The following C3orf49 variants were observed in gnomAD, a reference collection of about 807,000 sequenced individuals.
C3orf49 encodes the protein chromosome 3 open reading frame 49.
In C3orf49, 27 loss-of-function variants were observed where a neutral mutation model predicts 13.3. The observed-to-expected ratio is 2.02, with a 90% CI of 1.49 to 2.79. The LOEUF (loss-of-function observed/expected upper bound fraction) is 2.79, where lower values mean the gene tolerates loss of function less well. Among genes scored for constraint, C3orf49 ranks in the 30% most tolerant of loss-of-function variants. The probability of loss-of-function intolerance (pLI) is 0.00; values close to 1 mark genes in which losing one functional copy is unlikely to be tolerated. For missense variants in C3orf49, 242 were observed against 134.2 expected (o/e 1.80, Z -3.97); for synonymous variants, 87 against 47.6 (o/e 1.83, Z -3.40).
the C3orf49 span, among the ~76,000 whole-genome samples, chr3:63,801,540 A>C: frequency 6.6e-6 from 1 of 152,194 alleles, no homozygotes; most frequent in African/African-American, 2.4e-5. Flanking sequence ...AATAATTCTC[A>C]ACACTGAGAA....
At chr3:63,801,979 T>C in the C3orf49 span, among the ~76,000 whole-genome samples, 3 of 152,224 alleles carry the variant, frequency 2.0e-5, no homozygotes, top group Non-Finnish European at 4.4e-5. Context: ...AAATGCCTAT[T>C]CTTTACACTG....
At chr3:63,830,302 G>GA (rs1701515786) in intron 3 of C3orf49, among the ~76,000 whole-genome samples, 1 of 152,116 alleles carries the variant, frequency 6.6e-6, no homozygotes, top group South Asian at 2.1e-4. Context: ...TTATGAAAGA[G>GA]AAAAAAGAGG....
chr3:63,820,108 A>G (rs1701375123), intron 1 of C3orf49, among the ~76,000 whole-genome samples: 1 of 152,200 alleles, frequency 6.6e-6, no homozygotes, highest in Non-Finnish European at 1.5e-5. Context: ...ATAGACAGGT[A>G]TGAAACATCC....
the C3orf49 span, among the ~76,000 whole-genome samples, chr3:63,806,618 G>A: frequency 3.9e-5 from 6 of 152,028 alleles, no homozygotes; most frequent in African/African-American, 1.2e-4. Context: ...CTTTCCATAC[G>A]TCCCTTTTCA....
intron 5 of C3orf49, among the ~76,000 whole-genome samples, chr3:63,840,807 G>T (rs933488656): frequency 6.6e-6 from 1 of 152,160 alleles, no homozygotes; most frequent in African/African-American, 2.4e-5. Flanking sequence ...GTTGGCAAGG[G>T]TGTTAGAAAA....
the C3orf49 span, among the ~76,000 whole-genome samples, chr3:63,793,888 G>A: frequency 6.6e-6 from 1 of 152,100 alleles, no homozygotes; most frequent in Middle Eastern, 3.2e-3. Context: ...AGGTGTGGTG[G>A]CTCACACCTG....
At chr3:63,819,030 T>C (rs1360242108), upstream of C3orf49, among the ~76,000 whole-genome samples, 1 of 152,208 alleles carries the variant, frequency 6.6e-6, no homozygotes, top group Non-Finnish European at 1.5e-5. Flanking sequence ...TTCCTATAGG[T>C]CCCTACCACT....
chr3:63,823,433 A>G lies in C3orf49; in HGVS notation c.309A>G (p.Ala103=), dbSNP rs888797718. 5.7e-6 allele frequency: 4 copies of G among 703,198 alleles called. No homozygotes were observed. Among genetic ancestry groups the G allele is most frequent in the Non-Finnish European group, 2.6e-6 (1 of 385,092 alleles). 43.6% of individuals were successfully genotyped at this position (703,198 alleles called of 1,614,324 possible). A position where few individuals can be genotyped will look rare whatever the true frequency, so the allele number is the denominator to read the frequency against. The change falls in exon 2 of 7, where the codon GCA becomes GCG. Residue 103 remains alanine (A), a synonymous_variant. Coordinates refer to ENST00000295896, the MANE Select transcript of C3orf49 (RefSeq NM_001355236.2). The part of the protein sequence containing the change: ...MLSYKYRSKP[A]CASQEGSTDH... Reference sequence around the variant, plus strand: ...CCTACAAGTATAGAAGCAAGCCAGCATGTGCCAGCCAAGAGGGCTCCACTG... The same window carrying G: ...CCTACAAGTATAGAAGCAAGCCAGCGTGTGCCAGCCAAGAGGGCTCCACTG...
rs1409138594 is a variant in C3orf49 at position 63,837,902 on chromosome 3, A to C, written c.849+6058A>C. The C allele has an allele frequency of 3.7e-6, 5 of 1,365,460 alleles. No homozygotes were observed. The Admixed American group carries it at 1.2e-4, about 32-fold the overall frequency. The allele number at this position is 1,365,460 out of a possible 1,614,324, so 84.6% of individuals were successfully genotyped here. A position where few individuals can be genotyped will look rare whatever the true frequency, so the allele number is the denominator to read the frequency against. On this transcript the variant is annotated intron_variant, in intron 5 of 6. Coordinates refer to ENST00000295896, the MANE Select transcript of C3orf49 (RefSeq NM_001355236.2). ...TGATTCAGGCTGCAGATTTTACCTC[A>C]CAACATTAAAAACTGCATGAAAACT...
chr3:63,838,044 G>C, intron 5 of C3orf49: 1 of 1,607,476 alleles, frequency 6.2e-7, no homozygotes, highest in South Asian at 1.1e-5. Flanking sequence ...TTTTTCATGT[G>C]CTCCAGCTAT....
the C3orf49 span, among the ~76,000 whole-genome samples, chr3:63,793,571 C>T: frequency 1.3e-5 from 2 of 151,814 alleles, no homozygotes; most frequent in Admixed American, 6.6e-5. Flanking sequence ...TGCTGCTGGC[C>T]TCATTTCTTA....
At chr3:63,839,857 T>C in intron 5 of C3orf49, 2 of 1,124,180 alleles carry the variant, frequency 1.8e-6, no homozygotes, top group Middle Eastern at 2.6e-4. Context: ...CATTTGTTTA[T>C]TCAAAAGAAA....
intron 2 of C3orf49, chr3:63,827,185 A>C (rs1369807674): frequency 6.4e-6 from 1 of 155,116 alleles, no homozygotes; most frequent in African/African-American, 2.4e-5. Context: ...AGGAAAGACA[A>C]ATCAATGGTA....
chr3:63,811,046 C>A, the C3orf49 span, among the ~76,000 whole-genome samples: 2 of 152,102 alleles, frequency 1.3e-5, no homozygotes, highest in Non-Finnish European at 2.9e-5. Context: ...TGAGATTTTG[C>A]CATGTTGCCC....
chr3:63,836,295 A>C (rs770296656), intron 5 of C3orf49: 1 of 1,611,968 alleles, frequency 6.2e-7, no homozygotes, highest in Non-Finnish European at 8.5e-7. Flanking sequence ...AAAGCTCTAC[A>C]CTTACTTTAA....
chr3:63,823,555 A>C lies in C3orf49; in HGVS notation c.431A>C (p.Lys144Thr), dbSNP rs750203544. The C allele has an allele frequency of 4.4e-5, 31 of 698,246 alleles. No individual in the cohort carries two copies. In the Admixed American group the frequency reaches 5.3e-4, roughly 12 times the overall value. 43.3% of individuals were successfully genotyped at this position (698,246 alleles called of 1,614,324 possible). Residue 144 changes from lysine to threonine, a missense_variant, in exon 2 of 7, where the codon AAG (lysine) becomes ACG (threonine). Physicochemically the swap from Lys to Thr is moderately conservative, Grantham distance 78. Transcript: ENST00000295896. ...AAGTTATTTACAGCAAAAATGAGAA[A>C]GCTCTCAGAGAATGGTAATCATATT... ...SPKLFTAKMR[K>T]LSENATIQLD...
At chr3:63,805,534 T>C in the C3orf49 span, among the ~76,000 whole-genome samples, 1 of 152,230 alleles carries the variant, frequency 6.6e-6, no homozygotes, top group African/African-American at 2.4e-5. Flanking sequence ...ACTTTATTAC[T>C]CATAGCTCAG....
chr3:63,780,030 T>A, the C3orf49 span: 2 of 152,228 alleles, frequency 1.3e-5, no homozygotes, highest in Non-Finnish European at 2.9e-5. Context: ...AGGGTACATG[T>A]GCACAATGTG....
chr3:63,846,429 C>T (rs918299058), intron 6 of C3orf49, among the ~76,000 whole-genome samples: 3 of 151,932 alleles, frequency 2.0e-5, no homozygotes, highest in Admixed American at 6.6e-5. Flanking sequence ...TTTTTTTAGA[C>T]GGAGTTTCAC....
Sources: gnomAD v4.1 joint callset for allele counts (sites outside exome capture counted in the v4.1 genomes callset) on GRCh38, gnomAD v4.1.1 for gene constraint, MANE v1.5 for transcripts, NCBI Gene and HGNC (gene_info 2026-07-23, HGNC 2026-07-21) for gene names.